Variants in OCA2 observed in about 807,000 individuals in gnomAD.
OCA2 encodes the protein P protein.
Under a neutral mutation model 100.2 loss-of-function variants are expected in OCA2, and 77 were observed. The ratio of observed to expected loss-of-function variants is 0.77; its 90% CI spans 0.64 to 0.93. The LOEUF is 0.93. Ranked by LOEUF, OCA2 falls within the 40% of genes least tolerant of loss-of-function variation. The probability of loss-of-function intolerance (pLI) is 0.00; values close to 1 mark genes in which losing one functional copy is unlikely to be tolerated. For missense variants in OCA2, 1,062 were observed against 1,089.1 expected, an observed-to-expected ratio of 0.98 and a Z score of 0.35; for synonymous variants, 432 against 439.2, an observed-to-expected ratio of 0.98 and a Z score of 0.21.
chr15:27,933,008 T>C (rs143481477), intron 18 of OCA2, among the ~76,000 whole-genome samples: 4 of 151,908 alleles, frequency 2.6e-5, no homozygotes, highest in Non-Finnish European at 5.9e-5. Flanking sequence ...GAATAGAATA[T>C]AGAGCCCCGA....
chr15:27,868,408 C>T (rs2036410007), intron 21 of OCA2, among the ~76,000 whole-genome samples: 1 of 152,110 alleles, frequency 6.6e-6, no homozygotes, highest in Non-Finnish European at 1.5e-5. Context: ...AAAATCCTGC[C>T]ATTTGTGACA....
intron 9 of OCA2, among the ~76,000 whole-genome samples, chr15:28,003,082 G>A (rs183524633): frequency 3.9e-5 from 6 of 152,362 alleles, no homozygotes; most frequent in Non-Finnish European, 7.3e-5. Flanking sequence ...CTGCGGGTCC[G>A]CGTCAGCCAC....
At chr15:28,009,803 TAGAA>T (rs201934691) in intron 9 of OCA2, among the ~76,000 whole-genome samples, 2,040 of 151,914 alleles carry the variant, frequency 0.013, 43 homozygotes, top group African/African-American at 0.047. Flanking sequence ...AATTTAGTAA[TAGAA>T]AGACAACAGG....
the OCA2 span, among the ~76,000 whole-genome samples, chr15:27,724,407 C>T: frequency 3.3e-5 from 5 of 152,128 alleles, no homozygotes. Context: ...TCCACACTTC[C>T]CCTTGGTATA....
At chr15:28,012,570 C>T (rs1160438135) in intron 9 of OCA2, among the ~76,000 whole-genome samples, 1 of 151,952 alleles carries the variant, frequency 6.6e-6, no homozygotes, top group Non-Finnish European at 1.5e-5. Context: ...TCTTAAATAT[C>T]TGCTAGCCGT....
chr15:28,078,915 G>A (rs2044522182), intron 2 of OCA2, among the ~76,000 whole-genome samples: 1 of 152,150 alleles, frequency 6.6e-6, no homozygotes, highest in South Asian at 2.1e-4. Flanking sequence ...TAACCAGTTT[G>A]TGCACAGGTG....
intron 2 of OCA2, among the ~76,000 whole-genome samples, chr15:28,039,577 A>G (rs1415806666): frequency 1.3e-5 from 2 of 152,242 alleles, no homozygotes; most frequent in South Asian, 4.1e-4. Flanking sequence ...AACACCTGTT[A>G]TGGGCTGAAC....
chr15:27,866,600 C>T (rs7177529), intron 21 of OCA2, among the ~76,000 whole-genome samples: 63,910 of 152,082 alleles, frequency 0.42, 15,283 homozygotes, highest in African/African-American at 0.63. Flanking sequence ...CAAACACAAA[C>T]GGCTGGAATT....
chr15:28,086,626 T>C (rs1245470952), intron 1 of OCA2, among the ~76,000 whole-genome samples: 1 of 152,102 alleles, frequency 6.6e-6, no homozygotes, highest in Admixed American at 6.5e-5. Context: ...AGAAAATAGA[T>C]GATGACACCA....
At chr15:27,754,782 A>G (rs1298320399), downstream of OCA2, 1 of 160,970 alleles carries the variant, frequency 6.2e-6, no homozygotes, top group Admixed American at 5.7e-5. Flanking sequence ...TGCAAGTCAA[A>G]TTTCTGGACT....
intron 19 of OCA2, among the ~76,000 whole-genome samples, chr15:27,872,622 C>G (rs1053449444): frequency 6.6e-6 from 1 of 152,168 alleles, no homozygotes; most frequent in African/African-American, 2.4e-5. Context: ...CACTGTGATT[C>G]CATCGCGCTG....
At chr15:27,736,770 A>T in the OCA2 span, among the ~76,000 whole-genome samples, 9 of 152,256 alleles carry the variant, frequency 5.9e-5, no homozygotes, top group South Asian at 1.4e-3. Context: ...TTCACAGCCA[A>T]CATCATATTG....
chr15:27,742,603 C>T, the OCA2 span, among the ~76,000 whole-genome samples: 1 of 152,176 alleles, frequency 6.6e-6, no homozygotes, highest in Non-Finnish European at 1.5e-5. Flanking sequence ...TTTCTGCACA[C>T]TGTCTGCAGA....
chr15:28,001,067 T>C (rs955591160), intron 9 of OCA2, among the ~76,000 whole-genome samples: 6 of 152,074 alleles, frequency 3.9e-5, no homozygotes, highest in African/African-American at 1.2e-4. Flanking sequence ...AACTTAAAAA[T>C]AGATCTACCA....
intron 2 of OCA2, among the ~76,000 whole-genome samples, chr15:28,054,344 T>C (rs535772907): frequency 8.5e-5 from 13 of 152,310 alleles, no homozygotes; most frequent in African/African-American, 2.9e-4. Flanking sequence ...TGTGTTTATG[T>C]GTGTGCATAG....
Position 27,957,466 on chromosome 15 carries a change from TTA to T in OCA2, c.1784+120_1784+121del. On this transcript the variant is annotated intron_variant, in intron 16 of 23. Coordinates refer to ENST00000354638, the MANE Select transcript of OCA2 (RefSeq NM_000275.3). The surrounding 1 kb of genome is among the most constrained non-coding windows in gnomAD (Gnocchi z 4.3). The stretch of plus-strand genomic sequence containing the variant: ...TTAGATAAAATGTACTATAAGAGGC[TTA>T]GCACAGTGTGCGTCACCTAAATATC... 8.4e-7 allele frequency: 1 copy of T among 1,191,648 alleles called. No homozygotes were observed. The highest frequency in any genetic ancestry group is 1.2e-6 in the Non-Finnish European group (1 of 809,860). The allele number at this position is 1,191,648 out of a possible 1,614,324, so 73.8% of individuals were successfully genotyped here.
At chr15:27,972,862 TATTTTA>T (rs2040844036) in intron 14 of OCA2, among the ~76,000 whole-genome samples, 1 of 54,130 alleles carries the variant, frequency 1.8e-5, no homozygotes, top group African/African-American at 3.9e-5. Flanking sequence ...TATTTTATTT[TATTTTA>T]TTTTATTTTA....
intron 9 of OCA2, among the ~76,000 whole-genome samples, chr15:28,005,056 C>T (rs1287172844): frequency 2.0e-5 from 3 of 152,164 alleles, no homozygotes; most frequent in Non-Finnish European, 4.4e-5. Context: ...GGCCTCGCCT[C>T]GCACTGCCCC....
chr15:27,825,760 C>A (rs894993552), intron 23 of OCA2, among the ~76,000 whole-genome samples: 1 of 152,204 alleles, frequency 6.6e-6, no homozygotes, highest in African/African-American at 2.4e-5. Flanking sequence ...CAGCTCCTCC[C>A]GGAAGTGTCC....
Sources: gnomAD v4.1 joint callset for allele counts (sites outside exome capture counted in the v4.1 genomes callset) on GRCh38, gnomAD v4.1.1 for gene constraint, Gnocchi (gnomAD v3.1) non-coding constraint, MANE v1.5 for transcripts, NCBI Gene and HGNC (gene_info 2026-07-23, HGNC 2026-07-21) for gene names.